STAB2: variants seen among roughly 807,000 people sequenced by gnomAD.
The protein encoded by STAB2 is stabilin 2, also known as stabilin-2.
STAB2 carries 288 observed loss-of-function variants against 338.1 expected under a neutral mutation model. The observed-to-expected ratio is 0.85, with a 90% CI of 0.77 to 0.94. The LOEUF (loss-of-function observed/expected upper bound fraction) is 0.94, where lower values mean the gene tolerates loss of function less well. Ranked by LOEUF, STAB2 falls within the 40% of genes least tolerant of loss-of-function variation. STAB2 has a pLI of 0.00. For missense variants in STAB2, 3,141 were observed against 3,210.1 expected, an observed-to-expected ratio of 0.98 and a Z score of 0.52; for synonymous variants, 1,202 against 1,193.3, an observed-to-expected ratio of 1.01 and a Z score of -0.15.
intron 10 of STAB2, among the ~76,000 whole-genome samples, chr12:103,649,072 G>T (rs192532834): frequency 6.6e-6 from 1 of 152,118 alleles, no homozygotes; most frequent in Non-Finnish European, 1.5e-5. Flanking sequence ...TTTGGGGGTC[G>T]CCATAGACCA....
chr12:103,746,692 A>G lies in STAB2; in HGVS notation c.6232A>G (p.Ile2078Val), dbSNP rs202082063. 23 of 1,613,758 alleles carry G rather than the reference A, an allele frequency of 1.4e-5. No homozygotes were observed. The African/African-American group carries it at 3.1e-4, about 22-fold the overall frequency. The change falls in exon 58 of 69, where the codon ATC (isoleucine) becomes GTC (valine). Residue 2078 changes from isoleucine to valine, a missense_variant. Ile to Val is a conservative substitution (Grantham distance 29, BLOSUM62 3). Coordinates refer to ENST00000388887, the MANE Select transcript of STAB2 (RefSeq NM_017564.10). The stretch of plus-strand genomic sequence containing the variant: ...TAACCTGGATTATGAAGGTGACGGA[A>G]TCACATGCACAGGTAAGCCACCTTT... Reference protein sequence around the residue: ...ECNLDYEGDGITCTVVDFCKQ... With the variant: ...ECNLDYEGDGVTCTVVDFCKQ...
At position 103,648,811 on chromosome 12, in the gene STAB2, A is replaced by C; in HGVS notation, c.1162A>C (p.Ile388Leu). 1 of 1,613,904 alleles carries C rather than the reference A, an allele frequency of 6.2e-7. No homozygotes were observed. Among genetic ancestry groups the C allele is most frequent in the Non-Finnish European group, 8.5e-7 (1 of 1,179,884 alleles). The change falls in exon 10 of 69, where the codon ATC becomes CTC. Residue 388 changes from isoleucine to leucine, a missense_variant. Coordinates refer to ENST00000388887, the MANE Select transcript of STAB2 (RefSeq NM_017564.10). ...ATGGCAAGGAAGGCTGACCTCTTTCATCTCACTCCTAGGTACGCAGCTATG... is the reference window on the plus strand; with the variant it reads ...ATGGCAAGGAAGGCTGACCTCTTTCCTCTCACTCCTAGGTACGCAGCTATG... Reference protein sequence around the residue: ...GKWQGRLTSFISLLDKAYAWP... With the variant: ...GKWQGRLTSFLSLLDKAYAWP...
chr12:103,627,084 G>A (rs1957391977), intron 5 of STAB2, among the ~76,000 whole-genome samples: 1 of 152,174 alleles, frequency 6.6e-6, no homozygotes, highest in Non-Finnish European at 1.5e-5. Flanking sequence ...CAAAGGAGGT[G>A]GGGGTTCTCC....
chr12:103,691,365 A>G (rs1034340055), intron 30 of STAB2, among the ~76,000 whole-genome samples: 1 of 152,234 alleles, frequency 6.6e-6, no homozygotes, highest in Admixed American at 6.5e-5. Flanking sequence ...TATGCGTAGT[A>G]ATACCTACAT....
rs1566049441 is a variant in STAB2 at position 103,724,972 on chromosome 12, CA to C, written c.4684-2del. ...ATCCCTTGCCCCTTGGCAATTTTAC[CA>C]GAAAAATGGCGGCTGTAGTGAATTT... On this transcript the variant is annotated splice_acceptor_variant, in intron 44 of 68. Transcript: ENST00000388887. LOFTEE classifies it high-confidence loss of function. 2 of 1,613,224 alleles carry C rather than the reference CA, an allele frequency of 1.2e-6. No homozygotes were observed. Among genetic ancestry groups the C allele is most frequent in the Non-Finnish European group, 1.7e-6 (2 of 1,179,244 alleles).
Position 103,688,153 on chromosome 12 carries a change from CATG to C in STAB2, c.2998-12_2998-10del, listed in dbSNP as rs1396836986. ...CTCCCATCTCTTCTTCCCTCCCTTG[CATG>C]ATATGAATAAGGAATTGTCATTTCT... is the stretch of plus-strand genomic sequence containing the variant. On this transcript the variant is annotated splice_polypyrimidine_tract_variant and intron_variant, in intron 27 of 68. Transcript: ENST00000388887. 1 of 1,612,296 alleles carries C rather than the reference CATG, an allele frequency of 6.2e-7. No homozygotes were observed.
chr12:103,745,087 G>A, intron 56 of STAB2, 86 bp from the exon 57 acceptor site: 1 of 1,198,164 alleles, frequency 8.3e-7, no homozygotes, highest in Non-Finnish European at 1.2e-6. Flanking sequence ...TCCCACAACT[G>A]AAAATGCATA....
At position 103,759,197 on chromosome 12, in the gene STAB2, T is replaced by G; in HGVS notation, c.7172T>G (p.Leu2391Arg). ...GTCAGCATGTTTTTCTACAATGACC[T>G]TGTCAATGGCACCACCCTGCAAACG... is the stretch of plus-strand genomic sequence containing the variant. ...ANVSMFFYND[L>R]VNGTTLQTRL... is the part of the protein sequence containing the mutation. Residue 2391 changes from leucine to arginine, a missense_variant, in exon 65 of 69, where the codon CTT (leucine) becomes CGT (arginine). Transcript: ENST00000388887. 6.2e-7 allele frequency: 1 copy of G among 1,614,184 alleles called. No individual in the cohort carries two copies. Among genetic ancestry groups the G allele is most frequent in the Non-Finnish European group, 8.5e-7 (1 of 1,180,032 alleles).
chr12:103,609,898 G>T (rs563724639), intron 3 of STAB2, among the ~76,000 whole-genome samples: 1 of 152,254 alleles, frequency 6.6e-6, no homozygotes, highest in Admixed American at 6.5e-5. Context: ...TTGCATGAAG[G>T]GCTGTTGAAT....
chr12:103,749,146 T>C lies in STAB2; in HGVS notation c.6428T>C (p.Met2143Thr). The change falls in exon 59 of 69, where the codon ATG becomes ACG. Residue 2143 changes from methionine (M) to threonine (T), a missense_variant. Met to Thr is a moderately conservative substitution (Grantham distance 81). Coordinates refer to ENST00000388887, the MANE Select transcript of STAB2 (RefSeq NM_017564.10). ...TGTCACGAGCACGCCACCTGTAAGA[T>C]GACAGGCCCGGTGAGTCGCTCTTTC... ...GGCHEHATCK[M>T]TGPGKHKCEC... The C allele has an allele frequency of 6.2e-7, 1 of 1,601,626 alleles. No individual in the cohort carries two copies. Among genetic ancestry groups the C allele is most frequent in the Non-Finnish European group, 8.5e-7 (1 of 1,170,460 alleles).
Position 103,737,693 on chromosome 12 carries a change from C to T in STAB2, c.5610C>T (p.Asp1870=). 1 of 1,606,680 alleles carries T rather than the reference C, an allele frequency of 6.2e-7. No individual in the cohort carries two copies. Among genetic ancestry groups the T allele is most frequent in the Non-Finnish European group, 8.5e-7 (1 of 1,176,724 alleles). ...TTGTGCAGCGGGAGCTCTTGTTTGA[C>T]CTGGGTGTGGCCTACGGCATTGACT... ...CRIVQRELLF[D]LGVAYGIDCL... Residue 1870 remains aspartate, a synonymous_variant, in exon 53 of 69, where the codon GAC becomes GAT. Transcript: ENST00000388887.
intron 44 of STAB2, 100 bp from the exon 45 acceptor site, chr12:103,724,874 CA>C: frequency 6.4e-7 from 1 of 1,555,464 alleles, no homozygotes; most frequent in Non-Finnish European, 8.7e-7. Context: ...GAGAGTGAGA[CA>C]AAAAATGAAT....
At chr12:103,730,659 T>C (rs1881563403) in intron 49 of STAB2, among the ~76,000 whole-genome samples, 1 of 152,196 alleles carries the variant, frequency 6.6e-6, no homozygotes, top group Admixed American at 6.5e-5. Context: ...AAAAAGTTTC[T>C]TGAGATAGTA....
intron 3 of STAB2, among the ~76,000 whole-genome samples, chr12:103,599,076 T>C (rs697196): frequency 0.84 from 127,656 of 152,170 alleles, 54,160 homozygotes; most frequent in East Asian, 1. Flanking sequence ...CCAGTTCTAG[T>C]TCATTACTCT....
intron 63 of STAB2, 126 bp from the exon 64 acceptor site, chr12:103,758,044 G>A: frequency 2.2e-6 from 3 of 1,378,196 alleles, no homozygotes; most frequent in Non-Finnish European, 3.0e-6. Context: ...CAGCAAAGGA[G>A]CAGCAGGCTG....
rs372556676 is a variant in STAB2 at position 103,688,213 on chromosome 12, A to C, written c.3043A>C (p.Asn1015His). 3 of 1,613,564 alleles carry C rather than the reference A, an allele frequency of 1.9e-6. No individual in the cohort carries two copies. Among genetic ancestry groups the C allele is most frequent in the Non-Finnish European group, 2.5e-6 (3 of 1,179,476 alleles). ...SEAAIFNRWI[N>H]NASLQPTLSA... Reference sequence around the variant, plus strand: ...AGCAGCTATATTTAACCGATGGATAAATGTGAGTACCTTTATTGGGACTTA... The same window carrying C: ...AGCAGCTATATTTAACCGATGGATACATGTGAGTACCTTTATTGGGACTTA... Residue 1015 changes from asparagine to histidine, a missense_variant and splice_region_variant, in exon 28 of 69, where the codon AAT becomes CAT. Transcript: ENST00000388887.
chr12:103,654,793 G>A, intron 13 of STAB2, 95 bp downstream of exon 13: 1 of 1,453,966 alleles, frequency 6.9e-7, no homozygotes, highest in Non-Finnish European at 9.2e-7. Flanking sequence ...CTGTGCTTGT[G>A]CTTCGTTTGT....
chr12:103,706,828 TGCCA>T lies in STAB2; in HGVS notation c.4037_4040del (p.Gln1346ProfsTer20). 1 of 1,614,264 alleles carries T rather than the reference TGCCA, an allele frequency of 6.2e-7. No individual in the cohort carries two copies. Among genetic ancestry groups the T allele is most frequent in the South Asian group, 1.1e-5 (1 of 91,086 alleles). ...CTGTGCCGGCTTCTTTGGCCCCCAA[TGCCA>T]GCCCTGCCCAGGGAATGCCCAGAAT... On this transcript the variant is annotated frameshift_variant, in exon 38 of 69. Coordinates refer to ENST00000388887, the MANE Select transcript of STAB2 (RefSeq NM_017564.10). LOFTEE classifies it high-confidence loss of function.
chr12:103,670,576 G>A, intron 21 of STAB2, 120 bp from the exon 22 acceptor site: 1 of 754,006 alleles, frequency 1.3e-6, no homozygotes, highest in South Asian at 1.6e-5. Flanking sequence ...TTTCCACGAG[G>A]AGTCCCAGAG....
Sources: allele counts gnomAD v4.1 joint callset (sites outside exome capture counted in the v4.1 genomes callset), GRCh38; gene constraint gnomAD v4.1.1; transcripts MANE v1.5; gene names NCBI Gene and HGNC (gene_info 2026-07-23, HGNC 2026-07-21).